The following APBA2 variants were observed in gnomAD, a reference collection of about 807,000 sequenced individuals.
The protein encoded by APBA2 is amyloid beta precursor protein binding family A member 2.
In APBA2, 30 loss-of-function variants were observed where a neutral mutation model predicts 75.0. The observed-to-expected ratio is 0.40, with a 90% CI of 0.30 to 0.54. APBA2 has a LOEUF of 0.54. Among genes scored for constraint, APBA2 ranks in the 20% least tolerant of loss-of-function variants. The pLI is 0.49. For synonymous variants in APBA2, 444 were observed against 409.6 expected (o/e 1.08, Z -1.01); for missense variants, 801 against 1,016.1 (o/e 0.79, Z 2.88).
At chr15:29,025,811 C>T (rs564734785) in intron 3 of APBA2, among the ~76,000 whole-genome samples, 10 of 151,990 alleles carry the variant, frequency 6.6e-5, no homozygotes, top group South Asian at 4.2e-4. Context: ...ATTAGCCAGG[C>T]GTGGTGGTGG....
chr15:28,965,777 A>C (rs1443025812), intron 2 of APBA2, among the ~76,000 whole-genome samples: 19 of 152,250 alleles, frequency 1.2e-4, no homozygotes, highest in Non-Finnish European at 1.5e-5. Context: ...CTTCTTTGTT[A>C]TTAGTGTATA....
chr15:29,094,772 T>C (rs559096175), intron 8 of APBA2, among the ~76,000 whole-genome samples: 1 of 152,146 alleles, frequency 6.6e-6, no homozygotes, highest in African/African-American at 2.4e-5. Flanking sequence ...TGGAAATGAG[T>C]TTTTGGGCTG....
intron 2 of APBA2, among the ~76,000 whole-genome samples, chr15:28,995,022 GT>G (rs1325740331): frequency 3.3e-5 from 5 of 152,276 alleles, no homozygotes; most frequent in African/African-American, 9.6e-5. Context: ...GAATTCAGAT[GT>G]GATGTTGCAG....
intron 2 of APBA2, among the ~76,000 whole-genome samples, chr15:28,946,721 G>A (rs981984905): frequency 6.6e-6 from 1 of 152,136 alleles, no homozygotes; most frequent in Non-Finnish European, 1.5e-5. Flanking sequence ...TGGGATACAG[G>A]CACATGCCAC....
At chr15:29,004,674 CATTT>C (rs1439774893) in intron 3 of APBA2, among the ~76,000 whole-genome samples, 6 of 152,000 alleles carry the variant, frequency 3.9e-5, no homozygotes, top group African/African-American at 1.4e-4. Context: ...CTGGGGATCT[CATTT>C]ATTTTATTTT....
intron 2 of APBA2, among the ~76,000 whole-genome samples, chr15:28,939,639 C>T (rs1257020788): frequency 6.6e-6 from 1 of 152,222 alleles, no homozygotes; most frequent in African/African-American, 2.4e-5. Flanking sequence ...CCTCACGAGA[C>T]GTCTTTCAGA....
intron 3 of APBA2, among the ~76,000 whole-genome samples, chr15:29,007,655 G>C (rs4780262): frequency 0.23 from 35,694 of 151,990 alleles, 8,234 homozygotes; most frequent in African/African-American, 0.59. Context: ...TTAGAGAATT[G>C]CAAGTCGAAA....
intron 3 of APBA2, among the ~76,000 whole-genome samples, chr15:29,022,343 A>G (rs1365625068): frequency 6.6e-6 from 1 of 152,168 alleles, no homozygotes; most frequent in Non-Finnish European, 1.5e-5. Context: ...TCTTACAGGT[A>G]ATAGTGTGTT....
chr15:28,969,805 A>C (rs2036968447), intron 2 of APBA2, among the ~76,000 whole-genome samples: 1 of 152,210 alleles, frequency 6.6e-6, no homozygotes, highest in Non-Finnish European at 1.5e-5. Flanking sequence ...TTCGGGTCTG[A>C]ATCATTTCCT....
chr15:28,991,472 C>T lies in APBA2; in HGVS notation c.-94-4281C>T, dbSNP rs887805784. On this transcript the variant is annotated intron_variant, in intron 2 of 14. Transcript: ENST00000683413. The surrounding 1 kb of genome is among the most constrained non-coding windows in gnomAD (Gnocchi z 4.7). ...CCTTGTGCCAGGTGTTGAGCTCTGC[C>T]AGCTGCCCGGCCCCACTGTGAGGCC... Among the ~76,000 whole-genome samples the T allele has an allele frequency of 3.9e-5, 6 of 152,174 alleles. No homozygotes were observed. The highest frequency in any genetic ancestry group is 2.0e-4 in the Admixed American group (3 of 15,286).
chr15:28,939,566 TA>T (rs1489111364), intron 2 of APBA2, among the ~76,000 whole-genome samples: 1 of 152,262 alleles, frequency 6.6e-6, no homozygotes, highest in African/African-American at 2.4e-5. Context: ...CTTCCTTTTT[TA>T]AATGGTACTA....
intron 1 of APBA2, among the ~76,000 whole-genome samples, chr15:28,896,024 G>C (rs141390373): frequency 0.014 from 2,103 of 152,150 alleles, 30 homozygotes; most frequent in Admixed American, 0.021. Flanking sequence ...GAGGTGGGAG[G>C]ATCCCTTAAG....
intron 1 of APBA2, among the ~76,000 whole-genome samples, chr15:28,888,823 A>T (rs1305169359): frequency 1.3e-5 from 2 of 152,164 alleles, no homozygotes; most frequent in Admixed American, 6.5e-5. Context: ...CACCCTTGCC[A>T]GGTGGCTGTG....
chr15:29,073,214 C>T (rs2042702193), intron 4 of APBA2, among the ~76,000 whole-genome samples: 1 of 152,170 alleles, frequency 6.6e-6, no homozygotes, highest in African/African-American at 2.4e-5. Flanking sequence ...AGCCATGCCT[C>T]GTGGCATCAC....
At chr15:29,006,673 A>T (rs920086811) in intron 3 of APBA2, among the ~76,000 whole-genome samples, 1 of 152,166 alleles carries the variant, frequency 6.6e-6, no homozygotes, top group African/African-American at 2.4e-5. Context: ...ACTCTCATTT[A>T]TAAAACCATC....
At chr15:29,017,211 A>C (rs2039706523) in intron 3 of APBA2, among the ~76,000 whole-genome samples, 1 of 151,870 alleles carries the variant, frequency 6.6e-6, no homozygotes. Flanking sequence ...GGCCAGATGC[A>C]CCCGGAGCTT....
intron 2 of APBA2, among the ~76,000 whole-genome samples, chr15:28,975,289 A>G (rs2037278202): frequency 1.3e-5 from 2 of 152,196 alleles, no homozygotes; most frequent in Admixed American, 1.3e-4. Flanking sequence ...CAGATATCTC[A>G]ATGCTACTTA....
Position 29,074,805 on chromosome 15 carries a change from A to C in APBA2, c.952-116A>C, listed in dbSNP as rs115957475. The C allele has an allele frequency of 9.1e-4, 728 of 803,924 alleles. 1 individual carries two copies. In the African/African-American group the frequency reaches 0.011, roughly 12 times the overall value. The allele number at this position is 803,924 out of a possible 1,614,324, so 49.8% of individuals were successfully genotyped here. A position where few individuals can be genotyped will look rare whatever the true frequency, so the allele number is the denominator to read the frequency against. ...AATAGACGTCTGCACACACACCTAT[A>C]CACATACAGACATACACATGCATTT... On this transcript the variant is annotated intron_variant, in intron 4 of 14. Transcript: ENST00000683413.
At chr15:28,966,826 G>A (rs2036764653) in intron 2 of APBA2, among the ~76,000 whole-genome samples, 1 of 151,942 alleles carries the variant, frequency 6.6e-6, no homozygotes, top group African/African-American at 2.4e-5. Context: ...TTGAATGTAC[G>A]GCTTTGGATA....
Sources: allele counts gnomAD v4.1 joint callset (sites outside exome capture counted in the v4.1 genomes callset), GRCh38; gene constraint gnomAD v4.1.1; non-coding constraint Gnocchi (gnomAD v3.1); transcripts MANE v1.5; gene names NCBI Gene and HGNC (gene_info 2026-07-23, HGNC 2026-07-21).